SLC6A3: variants seen among roughly 807,000 people sequenced by gnomAD.
SLC6A3 encodes sodium-dependent dopamine transporter.
SLC6A3 carries 19 observed loss-of-function variants against 70.4 expected under a neutral mutation model. That is an observed-to-expected ratio of 0.27 (90% confidence interval 0.19 to 0.40). SLC6A3 has a LOEUF of 0.40. Among genes scored for constraint, SLC6A3 ranks in the 10% least tolerant of loss-of-function variants. SLC6A3 has a pLI of 1.00. For synonymous variants in SLC6A3, 368 were observed against 356.6 expected, an observed-to-expected ratio of 1.03 and a Z score of -0.36; for missense variants, 613 against 838.5, an observed-to-expected ratio of 0.73 and a Z score of 3.32.
chr5:1,433,433 A>G (rs1355094567), intron 3 of SLC6A3, among the ~76,000 whole-genome samples: 1 of 151,940 alleles, frequency 6.6e-6, no homozygotes, highest in African/African-American at 2.4e-5. Flanking sequence ...ACATATGGCC[A>G]CCCAGGCTAA....
Position 1,401,985 on chromosome 5 carries a change from T to C in SLC6A3, c.1767+937A>G, listed in dbSNP as rs1755862206. On this transcript the variant is annotated intron_variant, in intron 13 of 14. Coordinates refer to ENST00000270349, the MANE Select transcript of SLC6A3 (RefSeq NM_001044.5). This position sits in a 1 kb window ranked among gnomAD's most constrained non-coding sequence, Gnocchi z 6.1. ...CCCCAGCCACACACTGTGCTTTGCC[T>C]GCACTGGGCCTTGGCCTGGCCAGGC... Among the ~76,000 whole-genome samples the C allele has an allele frequency of 6.6e-6, 1 of 152,200 alleles. No homozygotes were observed. The highest frequency in any genetic ancestry group is 6.5e-5 in the Admixed American group (1 of 15,288).
Position 1,413,244 on chromosome 5 carries a change from T to C in SLC6A3, c.1156+1447A>G, listed in dbSNP as rs1756168744. 6.6e-6 allele frequency among the ~76,000 whole-genome samples: 1 copy of C among 152,238 alleles called. No individual in the cohort carries two copies. The highest frequency in any genetic ancestry group is 6.5e-5 in the Admixed American group (1 of 15,286). On this transcript the variant is annotated intron_variant, in intron 8 of 14. Transcript: ENST00000270349. The surrounding 1 kb of genome is among the most constrained non-coding windows in gnomAD (Gnocchi z 7.1). ...CGAGTAAATTTCACTGCTCTGCATT[T>C]ATTTGCAGATGTTCCCTTTCTCCCG...
chr5:1,410,507 G>A (rs959255402), intron 9 of SLC6A3, among the ~76,000 whole-genome samples: 2 of 151,960 alleles, frequency 1.3e-5, no homozygotes, highest in African/African-American at 2.4e-5. Context: ...AGCTGACAGG[G>A]AAGAAGGAGC....
rs80194732 is a variant in SLC6A3 at position 1,410,544 on chromosome 5, C to T, written c.1270-695G>A. On this transcript the variant is annotated intron_variant, in intron 9 of 14. Transcript: ENST00000270349. ...TGAGAAAGTCCAGCAGGCCCAGGGC[C>T]GATCAAGGGCTGGACCCGCCACCCC... is the stretch of plus-strand genomic sequence containing the variant. Among the ~76,000 whole-genome samples, 24 of 152,224 alleles carry T rather than the reference C, an allele frequency of 1.6e-4. No homozygotes were observed. In the East Asian group the frequency reaches 2.9e-3, roughly 18 times the overall value.
intron 1 of SLC6A3, among the ~76,000 whole-genome samples, 200 bp from the exon 2 acceptor site, chr5:1,443,442 T>C (rs1034705828): frequency 2.0e-5 from 3 of 152,204 alleles, no homozygotes; most frequent in African/African-American, 7.2e-5. Context: ...ACCACAGGGC[T>C]GGGGCACTGG....
Position 1,411,214 on chromosome 5 carries a change from G to C in SLC6A3, c.1269+29C>G. On this transcript the variant is annotated intron_variant, in intron 9 of 14. Coordinates refer to ENST00000270349, the MANE Select transcript of SLC6A3 (RefSeq NM_001044.5). This position sits in a 1 kb window ranked among gnomAD's most constrained non-coding sequence, Gnocchi z 6.5. ...GGGTGGAAGGAACCCAACTGCCGAG[G>C]ACAGGGCCGGGCGGTGCGGGTTACT... 2 of 1,479,106 alleles carry C rather than the reference G, an allele frequency of 1.4e-6. No homozygotes were observed. The highest frequency in any genetic ancestry group is 1.8e-6 in the Non-Finnish European group (2 of 1,082,386). 91.6% of individuals were successfully genotyped at this position (1,479,106 alleles called of 1,614,324 possible). A position where few individuals can be genotyped will look rare whatever the true frequency, so the allele number is the denominator to read the frequency against.
At chr5:1,435,856 C>T (rs543902089) in intron 3 of SLC6A3, among the ~76,000 whole-genome samples, 1 of 141,184 alleles carries the variant, frequency 7.1e-6, no homozygotes, top group African/African-American at 2.7e-5. Context: ...CTCCCTTGAA[C>T]GGTGGTGGCC....
intron 4 of SLC6A3, among the ~76,000 whole-genome samples, chr5:1,426,531 G>C (rs1024752068): frequency 6.6e-6 from 1 of 152,170 alleles, no homozygotes; most frequent in Non-Finnish European, 1.5e-5. Context: ...AACAGAGTGA[G>C]ATCCTGTCTC....
chr5:1,411,804 A>C lies in SLC6A3; in HGVS notation c.1157-449T>G, dbSNP rs1288419082. ...ATGCAACATACACACTCAGACACAC[A>C]TACCATGCAACATACACACTCAGAC... is the stretch of plus-strand genomic sequence containing the variant. On this transcript the variant is annotated intron_variant, in intron 8 of 14. Transcript: ENST00000270349. This position sits in a 1 kb window ranked among gnomAD's most constrained non-coding sequence, Gnocchi z 6.5. 2.0e-5 allele frequency among the ~76,000 whole-genome samples: 3 copies of C among 151,068 alleles called. No homozygotes were observed. Among genetic ancestry groups the C allele is most frequent in the Non-Finnish European group, 4.4e-5 (3 of 67,634 alleles).
At chr5:1,443,523 A>C (rs567570915) in intron 1 of SLC6A3, among the ~76,000 whole-genome samples, 2 of 152,338 alleles carry the variant, frequency 1.3e-5, no homozygotes, top group East Asian at 3.9e-4. Context: ...ACTCCTATCA[A>C]AGTGCAAGGC....
At chr5:1,427,596 G>A (rs1044629216) in intron 4 of SLC6A3, among the ~76,000 whole-genome samples, 5 of 152,178 alleles carry the variant, frequency 3.3e-5, no homozygotes, top group Admixed American at 6.5e-5. Flanking sequence ...CAACCAACTC[G>A]ATGGTGTCTA....
In SLC6A3 at chr5:1,406,481, A is replaced by T. The variant is rs1255311719; in HGVS notation, c.1499-193T>A. Among the ~76,000 whole-genome samples the T allele has an allele frequency of 3.3e-5, 5 of 152,120 alleles. No individual in the cohort carries two copies. Among genetic ancestry groups the T allele is most frequent in the African/African-American group, 9.7e-5 (4 of 41,420 alleles). On this transcript the variant is annotated intron_variant, in intron 11 of 14. Coordinates refer to ENST00000270349, the MANE Select transcript of SLC6A3 (RefSeq NM_001044.5). The surrounding 1 kb of genome is among the most constrained non-coding windows in gnomAD (Gnocchi z 8.8). ...GTGCCTCGCTGACGGGTGGGAGCCCACGTGCCTGCTCCACCCTGGAGATGC... is the reference window on the plus strand; with the variant it reads ...GTGCCTCGCTGACGGGTGGGAGCCCTCGTGCCTGCTCCACCCTGGAGATGC...
chr5:1,427,315 G>T (rs1029354704), intron 4 of SLC6A3, among the ~76,000 whole-genome samples: 1 of 152,174 alleles, frequency 6.6e-6, no homozygotes, highest in Non-Finnish European at 1.5e-5. Context: ...TCTGTGAAAC[G>T]GTATCATGTC....
intron 14 of SLC6A3, among the ~76,000 whole-genome samples, chr5:1,395,144 T>A (rs567796411): frequency 1.3e-5 from 2 of 152,218 alleles, no homozygotes; most frequent in Non-Finnish European, 2.9e-5. Context: ...TGATGTCACC[T>A]CTCCCCCACG....
rs1009817237 is a variant in SLC6A3, at chr5:1,408,600, G to A, written c.1498+426C>T. ...ATGGGCCAGGAGCTGCACCCCGTTC[G>A]AGCGCCGCCCGCTGATCATCAGGTC... On this transcript the variant is annotated intron_variant, in intron 11 of 14. Coordinates refer to ENST00000270349, the MANE Select transcript of SLC6A3 (RefSeq NM_001044.5). This position sits in a 1 kb window ranked among gnomAD's most constrained non-coding sequence, Gnocchi z 6.4. Among the ~76,000 whole-genome samples the A allele has an allele frequency of 1.3e-5, 2 of 152,148 alleles. No individual in the cohort carries two copies. The highest frequency in any genetic ancestry group is 2.9e-5 in the Non-Finnish European group (2 of 68,030).
rs780093604 is a variant in SLC6A3 at position 1,414,701 on chromosome 5, C to T, written c.1146G>A (p.Val382=). ...GCAGGAGGGGCTCACCGTCCTTGGC[C>T]ACGTCCCCGATGGGCACACTGTGCT... ...AQKHSVPIGD[V]AKDGPGLIFI... is the part of the protein sequence containing the mutation. Residue 382 remains valine, a synonymous_variant, in exon 8 of 15, where the codon GTG becomes GTA. Coordinates refer to ENST00000270349, the MANE Select transcript of SLC6A3 (RefSeq NM_001044.5). 1 of 1,612,492 alleles carries T rather than the reference C, an allele frequency of 6.2e-7. No homozygotes were observed. The highest frequency in any genetic ancestry group is 1.1e-5 in the South Asian group (1 of 91,084).
intron 4 of SLC6A3, among the ~76,000 whole-genome samples, chr5:1,428,821 C>T (rs1427378351): frequency 3.3e-5 from 5 of 152,206 alleles, no homozygotes; most frequent in African/African-American, 9.7e-5. Context: ...AAGACATGGC[C>T]AGCGTCTCAC....
Position 1,432,562 on chromosome 5 carries a change from G to A in SLC6A3, c.555C>T (p.Asn185=), listed in dbSNP as rs535960095. The change falls in exon 4 of 15, where the codon AAC becomes AAT. Residue 185 remains asparagine, a synonymous_variant. Coordinates refer to ENST00000270349, the MANE Select transcript of SLC6A3 (RefSeq NM_001044.5). The part of the protein sequence containing the change: ...LPWIHCNNSW[N]SPNCSDAHPG... ...GATGGGCATCCGAGCAGTTGGGGCT[G>A]TTCCAGGAGTTGTTGCAGTGGATCC... 3 of 1,614,254 alleles carry A rather than the reference G, an allele frequency of 1.9e-6. No homozygotes were observed. The African/African-American group carries it at 4.0e-5, about 22-fold the overall frequency.
Position 1,416,141 on chromosome 5 carries a change from T to A in SLC6A3, c.988A>T (p.Ile330Phe). Residue 330 changes from isoleucine (I) to phenylalanine (F), a missense_variant, in exon 7 of 15, where the codon ATC becomes TTC. Coordinates refer to ENST00000270349, the MANE Select transcript of SLC6A3 (RefSeq NM_001044.5). ...FSLGVGFGVL[I>F]AFSSYNKFTN... ...AACTTGTTGTAGCTGGAGAAGGCGA[T>A]CAGCACCCCGAACCCCACGCCCAGG... is the stretch of plus-strand genomic sequence containing the variant. The A allele has an allele frequency of 2.5e-6, 4 of 1,614,018 alleles. No homozygotes were observed. The highest frequency in any genetic ancestry group is 3.4e-6 in the Non-Finnish European group (4 of 1,179,986).
Sources: gnomAD v4.1 joint callset for allele counts (sites outside exome capture counted in the v4.1 genomes callset) on GRCh38, gnomAD v4.1.1 for gene constraint, Gnocchi (gnomAD v3.1) non-coding constraint, MANE v1.5 for transcripts, NCBI Gene and HGNC (gene_info 2026-07-23, HGNC 2026-07-21) for gene names.